The following AUTS2 variants were observed in gnomAD, a reference collection of about 807,000 sequenced individuals.
AUTS2 encodes autism susceptibility gene 2 protein.
Under a neutral mutation model 112.4 loss-of-function variants are expected in AUTS2, and 17 were observed. The observed-to-expected ratio is 0.15, with a 90% CI of 0.10 to 0.23. The LOEUF is 0.23. AUTS2 is among the 10% of genes least tolerant of loss of function. The pLI, the probability that AUTS2 is intolerant of heterozygous loss-of-function variation, is 1.00. For synonymous variants in AUTS2, 751 were observed against 702.7 expected, an observed-to-expected ratio of 1.07 and a Z score of -1.09; for missense variants, 1,510 against 1,701.6, an observed-to-expected ratio of 0.89 and a Z score of 1.98.
At chr7:70,426,859 C>T (rs760938936) in intron 4 of AUTS2, among the ~76,000 whole-genome samples, 18 of 149,660 alleles carry the variant, frequency 1.2e-4, no homozygotes, top group South Asian at 4.1e-4. Flanking sequence ...CACAACACAG[C>T]GGAAAAAATA....
At chr7:70,460,672 C>T (rs1309131967) in intron 5 of AUTS2, among the ~76,000 whole-genome samples, 1 of 152,122 alleles carries the variant, frequency 6.6e-6, no homozygotes, top group Admixed American at 6.5e-5. Flanking sequence ...AGAGTGGGGT[C>T]AGCTTCGGCT....
At chr7:69,726,173 T>C (rs1448810617) in intron 1 of AUTS2, among the ~76,000 whole-genome samples, 1 of 152,138 alleles carries the variant, frequency 6.6e-6, no homozygotes, top group Non-Finnish European at 1.5e-5. Flanking sequence ...CCTGAAAAAG[T>C]TTTTTAGTTT....
intron 4 of AUTS2, among the ~76,000 whole-genome samples, chr7:70,167,963 T>C (rs1014927292): frequency 1.3e-5 from 2 of 152,216 alleles, no homozygotes; most frequent in African/African-American, 4.8e-5. Context: ...TTTATATTAA[T>C]GTAGTGCACA....
intron 2 of AUTS2, among the ~76,000 whole-genome samples, chr7:70,062,704 A>C: frequency 6.6e-6 from 1 of 152,312 alleles, no homozygotes; most frequent in South Asian, 2.1e-4. Flanking sequence ...TGGAATCTGT[A>C]AAATAGCTAG....
chr7:70,255,130 A>G (rs1478643905), intron 4 of AUTS2, among the ~76,000 whole-genome samples: 1 of 149,106 alleles, frequency 6.7e-6, no homozygotes, highest in African/African-American at 2.5e-5. Flanking sequence ...CTGGAGTACA[A>G]TGGTATGATC....
intron 1 of AUTS2, among the ~76,000 whole-genome samples, chr7:69,870,544 CAT>C (rs1440997635): frequency 2.1e-5 from 3 of 143,328 alleles, no homozygotes; most frequent in African/African-American, 7.7e-5. Flanking sequence ...AATAAAACAA[CAT>C]GTGTTAAGTA....
intron 4 of AUTS2, among the ~76,000 whole-genome samples, chr7:70,425,106 A>G (rs545807777): frequency 6.6e-6 from 1 of 152,248 alleles, no homozygotes; most frequent in Non-Finnish European, 1.5e-5. Flanking sequence ...GAATTGAATC[A>G]TGTTGGTGAT....
chr7:69,730,019 T>TTTTTTTTA (rs10684332), intron 1 of AUTS2, among the ~76,000 whole-genome samples: 2 of 132,040 alleles, frequency 1.5e-5, no homozygotes, highest in African/African-American at 3.1e-5. Context: ...TTTTTTTTTT[T>TTTTTTTTA]AGAAACTAGG....
In AUTS2 at chr7:70,129,014, T is replaced by C. The variant is rs1379542849; in HGVS notation, c.625-5522T>C. ...TAATTAGGTACATCTAAAAAGACCGTATATCCAAATTATGTCATTGTATTA... is the reference window on the plus strand; with the variant it reads ...TAATTAGGTACATCTAAAAAGACCGCATATCCAAATTATGTCATTGTATTA... On this transcript the variant is annotated intron_variant, in intron 3 of 18. Coordinates refer to ENST00000342771, the MANE Select transcript of AUTS2 (RefSeq NM_015570.4). Among the ~76,000 whole-genome samples the C allele has an allele frequency of 2.6e-5, 4 of 152,184 alleles. No homozygotes were observed. In the East Asian group the frequency reaches 5.8e-4, roughly 22 times the overall value.
At chr7:69,722,627 T>G (rs1229499889) in intron 1 of AUTS2, among the ~76,000 whole-genome samples, 1 of 152,212 alleles carries the variant, frequency 6.6e-6, no homozygotes, top group African/African-American at 2.4e-5. Flanking sequence ...TGCACCACTG[T>G]GCCTGGCCAT....
At chr7:69,861,781 G>A (rs1170097846) in intron 1 of AUTS2, among the ~76,000 whole-genome samples, 1 of 152,172 alleles carries the variant, frequency 6.6e-6, no homozygotes, top group Admixed American at 6.5e-5. Flanking sequence ...GTCCTGAAGT[G>A]TGGTTTCCTC....
rs1297452429 is a variant in AUTS2 at position 70,790,475 on chromosome 7, A to C, written c.3259A>C (p.Arg1087=). 1.2e-6 allele frequency: 2 copies of C among 1,612,332 alleles called. No homozygotes were observed. Among genetic ancestry groups the C allele is most frequent in the Non-Finnish European group, 1.7e-6 (2 of 1,179,228 alleles). The change falls in exon 19 of 19, where the codon AGA becomes CGA. Residue 1087 remains arginine (R), a synonymous_variant. Transcript: ENST00000342771. This position sits in a 1 kb window ranked among gnomAD's most constrained non-coding sequence, Gnocchi z 7.6. ...DPYRELDIHR[R]DPLGRDFLLR... The stretch of plus-strand genomic sequence containing the variant: ...TTACCGAGAACTTGACATTCACCGG[A>C]GAGACCCGCTGGGCAGGGACTTCCT...
intron 6 of AUTS2, among the ~76,000 whole-genome samples, chr7:70,709,448 C>T (rs1428758977): frequency 2.6e-5 from 4 of 152,106 alleles, no homozygotes; most frequent in Non-Finnish European, 4.4e-5. Flanking sequence ...CAGTGGCTCA[C>T]GCCTATAATC....
intron 5 of AUTS2, among the ~76,000 whole-genome samples, chr7:70,655,422 C>G (rs56691608): frequency 0.29 from 43,874 of 152,196 alleles, 6,494 homozygotes; most frequent in South Asian, 0.41. Context: ...GACCTAGGAC[C>G]CTTCCACCTT....
intron 2 of AUTS2, among the ~76,000 whole-genome samples, chr7:70,018,970 A>G (rs1800153272): frequency 1.3e-5 from 2 of 152,232 alleles, no homozygotes; most frequent in African/African-American, 4.8e-5. Context: ...GTGTATGTTC[A>G]TTGCAGTACT....
chr7:70,785,133 T>C, intron 16 of AUTS2, 114 bp downstream of exon 16: 1 of 1,067,550 alleles, frequency 9.4e-7, no homozygotes, highest in Non-Finnish European at 1.4e-6. Flanking sequence ...GATACCCTGC[T>C]TACCATTTAG....
At chr7:69,730,687 C>T (rs1397400914) in intron 1 of AUTS2, among the ~76,000 whole-genome samples, 1 of 152,172 alleles carries the variant, frequency 6.6e-6, no homozygotes, top group Non-Finnish European at 1.5e-5. Flanking sequence ...CTGTTAAGAA[C>T]TTCAGTTGAA....
intron 4 of AUTS2, among the ~76,000 whole-genome samples, chr7:70,143,078 C>T (rs1562734851): frequency 6.6e-6 from 1 of 152,096 alleles, no homozygotes; most frequent in Non-Finnish European, 1.5e-5. Flanking sequence ...TTAGATGCCT[C>T]CCAATCCATT....
intron 6 of AUTS2, among the ~76,000 whole-genome samples, chr7:70,714,499 C>T (rs1360853595): frequency 1.3e-5 from 2 of 152,138 alleles, no homozygotes; most frequent in Non-Finnish European, 2.9e-5. Flanking sequence ...GAGGAATATA[C>T]CCATCCATGA....
Sources: allele counts gnomAD v4.1 joint callset (sites outside exome capture counted in the v4.1 genomes callset), GRCh38; gene constraint gnomAD v4.1.1; non-coding constraint Gnocchi (gnomAD v3.1); transcripts MANE v1.5; gene names NCBI Gene and HGNC (gene_info 2026-07-23, HGNC 2026-07-21).